The following DNAJC1 variants were observed in gnomAD, a reference collection of about 807,000 sequenced individuals.
The protein encoded by DNAJC1 is dnaJ homolog subfamily C member 1.
In DNAJC1, 58 loss-of-function variants were observed where a neutral mutation model predicts 76.6. The observed-to-expected ratio is 0.76, with a 90% CI of 0.61 to 0.94. The LOEUF (loss-of-function observed/expected upper bound fraction) is 0.94. Ranked by LOEUF, DNAJC1 falls within the 40% of genes least tolerant of loss-of-function variation. The pLI, the probability that DNAJC1 is intolerant of heterozygous loss-of-function variation, is 0.00. For missense variants in DNAJC1, 689 were observed against 677.3 expected, an observed-to-expected ratio of 1.02 and a Z score of -0.19; for synonymous variants, 258 against 267.9, an observed-to-expected ratio of 0.96 and a Z score of 0.36.
chr10:21,844,323 G>T (rs1400353044), intron 8 of DNAJC1, among the ~76,000 whole-genome samples: 2 of 151,452 alleles, frequency 1.3e-5, no homozygotes, highest in African/African-American at 4.9e-5. Context: ...GCCCAGGCTG[G>T]TCTCGAATCC....
chr10:21,825,713 G>A (rs893563341), intron 8 of DNAJC1, among the ~76,000 whole-genome samples: 2 of 152,044 alleles, frequency 1.3e-5, no homozygotes, highest in African/African-American at 4.8e-5. Flanking sequence ...TATTGTTATA[G>A]CAATTCTAGT....
At chr10:21,824,422 A>G (rs1313664519) in intron 8 of DNAJC1, among the ~76,000 whole-genome samples, 1 of 152,248 alleles carries the variant, frequency 6.6e-6, no homozygotes, top group Non-Finnish European at 1.5e-5. Flanking sequence ...AGAGACTACT[A>G]GTGTCTCGAA....
chr10:21,849,274 C>G (rs1294599733), intron 8 of DNAJC1, among the ~76,000 whole-genome samples: 9 of 108,202 alleles, frequency 8.3e-5, no homozygotes, highest in African/African-American at 3.4e-4. Flanking sequence ...GGCTGGGTGA[C>G]AGAGTGGGAC....
At chr10:21,759,003 A>G (rs1345082794) in intron 11 of DNAJC1, among the ~76,000 whole-genome samples, 167 bp downstream of exon 11, 1 of 152,250 alleles carries the variant, frequency 6.6e-6, no homozygotes, top group Non-Finnish European at 1.5e-5. Flanking sequence ...GAATGCACAG[A>G]TTCACACGCT....
intron 8 of DNAJC1, among the ~76,000 whole-genome samples, chr10:21,877,335 T>A (rs1348552073): frequency 1.3e-5 from 2 of 151,082 alleles, no homozygotes; most frequent in Non-Finnish European, 2.9e-5. Context: ...AAACACCAAA[T>A]AAGGAAAAGG....
At chr10:21,787,943 G>T (rs1834633609) in intron 9 of DNAJC1, among the ~76,000 whole-genome samples, 1 of 152,200 alleles carries the variant, frequency 6.6e-6, no homozygotes, top group South Asian at 2.1e-4. Flanking sequence ...AACTAATGCT[G>T]GAGTAGTCTT....
At chr10:21,937,422 A>T (rs985568048) in intron 1 of DNAJC1, among the ~76,000 whole-genome samples, 1 of 152,162 alleles carries the variant, frequency 6.6e-6, no homozygotes, top group Non-Finnish European at 1.5e-5. Context: ...AGATATAACA[A>T]TATAAATAAC....
chr10:21,993,874 CT>C lies in DNAJC1; in HGVS notation c.222+9338del, dbSNP rs200944723. On this transcript the variant is annotated intron_variant, in intron 1 of 11. Coordinates refer to ENST00000376980, the MANE Select transcript of DNAJC1 (RefSeq NM_022365.4). ...TCCCACTTCTCTAAAATTAAGATCA[CT>C]TTTTTTTTACCCATTTTTATCCTGC... Among the ~76,000 whole-genome samples the C allele has an allele frequency of 4.4e-4, 67 of 151,322 alleles. No individual in the cohort carries two copies. The East Asian group carries it at 0.011, about 25-fold the overall frequency.
intron 6 of DNAJC1, among the ~76,000 whole-genome samples, chr10:21,908,225 T>C (rs1428679635): frequency 2.8e-5 from 2 of 70,264 alleles, no homozygotes; most frequent in Non-Finnish European, 4.8e-5. Flanking sequence ...TTATATATAA[T>C]ATATATAAAA....
At chr10:21,927,975 G>T (rs534921099) in intron 3 of DNAJC1, among the ~76,000 whole-genome samples, 3 of 152,276 alleles carry the variant, frequency 2.0e-5, no homozygotes, top group Non-Finnish European at 2.9e-5. Context: ...AAGGGAAGGA[G>T]GCAAAAGAAA....
intron 9 of DNAJC1, among the ~76,000 whole-genome samples, chr10:21,795,189 A>G (rs969174269): frequency 2.0e-5 from 3 of 152,216 alleles, no homozygotes; most frequent in Non-Finnish European, 2.9e-5. Context: ...AATAAGTACT[A>G]TACAGATTAA....
At chr10:21,925,495 T>C (rs1363413448) in intron 3 of DNAJC1, among the ~76,000 whole-genome samples, 1 of 152,208 alleles carries the variant, frequency 6.6e-6, no homozygotes, top group Non-Finnish European at 1.5e-5. Flanking sequence ...TGAATGTTCA[T>C]AGAAGCCTTG....
intron 8 of DNAJC1, among the ~76,000 whole-genome samples, chr10:21,851,664 C>T (rs1036095637): frequency 2.6e-5 from 4 of 152,110 alleles, no homozygotes; most frequent in African/African-American, 9.7e-5. Flanking sequence ...AAAACATAAA[C>T]TCAAATAACC....
At chr10:21,874,357 T>C (rs931748762) in intron 8 of DNAJC1, among the ~76,000 whole-genome samples, 16 of 150,758 alleles carry the variant, frequency 1.1e-4, no homozygotes, top group African/African-American at 3.7e-4. Flanking sequence ...TAAGTTGCAG[T>C]GAGCTATGAT....
intron 8 of DNAJC1, among the ~76,000 whole-genome samples, chr10:21,857,533 T>C (rs1357144943): frequency 1.3e-5 from 2 of 151,786 alleles, no homozygotes; most frequent in Admixed American, 6.6e-5. Context: ...TAAAATGTCA[T>C]TAGAAAAAAA....
At chr10:21,955,117 G>A (rs770470053) in intron 1 of DNAJC1, among the ~76,000 whole-genome samples, 1 of 152,184 alleles carries the variant, frequency 6.6e-6, no homozygotes, top group Non-Finnish European at 1.5e-5. Context: ...TCCAGACATT[G>A]TCAAATGTCC....
intron 1 of DNAJC1, among the ~76,000 whole-genome samples, chr10:21,953,932 C>A (rs1837639443): frequency 6.7e-6 from 1 of 150,000 alleles, no homozygotes; most frequent in African/African-American, 2.5e-5. Context: ...GTCTGTTTAA[C>A]CTTTGCTATT....
intron 9 of DNAJC1, among the ~76,000 whole-genome samples, chr10:21,770,395 CTTTT>C (rs34881959): frequency 9.3e-6 from 1 of 107,564 alleles, no homozygotes; most frequent in East Asian, 2.3e-4. Context: ...TTTTTTTCTT[CTTTT>C]TTTTTTTTTT....
At chr10:21,989,632 G>A (rs1367846491) in intron 1 of DNAJC1, among the ~76,000 whole-genome samples, 3 of 152,136 alleles carry the variant, frequency 2.0e-5, no homozygotes, top group African/African-American at 7.2e-5. Flanking sequence ...AAAGTGAGAA[G>A]GACACTGCCT....
Sources: allele counts gnomAD v4.1 joint callset (sites outside exome capture counted in the v4.1 genomes callset), GRCh38; gene constraint gnomAD v4.1.1; transcripts MANE v1.5; gene names NCBI Gene and HGNC (gene_info 2026-07-23, HGNC 2026-07-21).